Variants in ROBO2 observed in about 807,000 individuals in gnomAD.
ROBO2 encodes the protein roundabout homolog 2.
Under a neutral mutation model 160.8 loss-of-function variants are expected in ROBO2, and 53 were observed. The ratio of observed to expected loss-of-function variants is 0.33; its 90% CI spans 0.26 to 0.41. The LOEUF is 0.41. Among genes scored for constraint, ROBO2 ranks in the 10% least tolerant of loss-of-function variants. The pLI is 1.00. For missense variants in ROBO2, 1,577 were observed against 1,722.4 expected (o/e 0.92, Z 1.49); for synonymous variants, 664 against 611.7 (o/e 1.09, Z -1.26).
At chr3:77,311,991 C>T (rs1222852022) in intron 2 of ROBO2, among the ~76,000 whole-genome samples, 2 of 151,966 alleles carry the variant, frequency 1.3e-5, no homozygotes, top group African/African-American at 2.4e-5. Context: ...GAGGCTGAGG[C>T]AGGAGAACTG....
At chr3:76,458,332 A>AAG (rs1185813935) in intron 2 of ROBO2, among the ~76,000 whole-genome samples, 1 of 152,128 alleles carries the variant, frequency 6.6e-6, no homozygotes, top group African/African-American at 2.4e-5. Context: ...AAATGCTGCC[A>AAG]GTCTCTTTGC....
At chr3:77,442,894 T>G (rs1447152610) in intron 2 of ROBO2, among the ~76,000 whole-genome samples, 1 of 152,210 alleles carries the variant, frequency 6.6e-6, no homozygotes, top group Admixed American at 6.5e-5. Context: ...AACACCTGAA[T>G]TTTACATCAG....
chr3:75,961,749 G>A (rs1249782830), intron 2 of ROBO2, among the ~76,000 whole-genome samples: 7 of 151,460 alleles, frequency 4.6e-5, no homozygotes, highest in Non-Finnish European at 7.4e-5. Context: ...AAAAAATATT[G>A]TATTAAAATA....
intron 1 of ROBO2, among the ~76,000 whole-genome samples, chr3:77,084,579 C>A (rs994383231): frequency 6.6e-6 from 1 of 152,016 alleles, no homozygotes; most frequent in Non-Finnish European, 1.5e-5. Flanking sequence ...GAAAGCATTG[C>A]ATTTCGAGAG....
chr3:77,210,302 C>T (rs948617762), intron 2 of ROBO2, among the ~76,000 whole-genome samples: 1 of 151,698 alleles, frequency 6.6e-6, no homozygotes, highest in South Asian at 2.1e-4. Flanking sequence ...AAATTATGTT[C>T]AAAAATGTAT....
intron 1 of ROBO2, among the ~76,000 whole-genome samples, chr3:77,043,339 A>T (rs913419095): frequency 1.3e-5 from 2 of 152,254 alleles, no homozygotes; most frequent in Middle Eastern, 3.4e-3. Flanking sequence ...ACAGATATTA[A>T]TTTTATTCAG....
chr3:77,400,539 T>G (rs1421761444), intron 2 of ROBO2, among the ~76,000 whole-genome samples: 1 of 152,214 alleles, frequency 6.6e-6, no homozygotes, highest in Admixed American at 6.5e-5. Flanking sequence ...TCGGTTCGTT[T>G]AAGTGTATAA....
chr3:76,346,334 G>A (rs1004529199), intron 2 of ROBO2, among the ~76,000 whole-genome samples: 31 of 151,034 alleles, frequency 2.1e-4, no homozygotes, highest in South Asian at 1.7e-3. Flanking sequence ...TGCAAGCTCC[G>A]CCTGGCAACA....
At chr3:77,343,100 G>C (rs1242931729) in intron 2 of ROBO2, among the ~76,000 whole-genome samples, 1 of 139,610 alleles carries the variant, frequency 7.2e-6, no homozygotes, top group African/African-American at 2.5e-5. Flanking sequence ...TTTCTTATAA[G>C]ACCACAATCT....
intron 1 of ROBO2, among the ~76,000 whole-genome samples, chr3:77,090,980 A>G (rs2150019600): frequency 6.6e-6 from 1 of 152,328 alleles, no homozygotes; most frequent in Non-Finnish European, 1.5e-5. Flanking sequence ...GAGAAAAATG[A>G]ACACAGCATA....
chr3:75,930,539 C>G (rs779088419), intron 1 of ROBO2, among the ~76,000 whole-genome samples: 3 of 152,138 alleles, frequency 2.0e-5, no homozygotes, highest in Non-Finnish European at 4.4e-5. Flanking sequence ...TTTTTCTCTA[C>G]ACACATACTC....
chr3:76,011,970 G>A (rs2066207578), intron 2 of ROBO2, among the ~76,000 whole-genome samples: 1 of 152,154 alleles, frequency 6.6e-6, no homozygotes, highest in Admixed American at 6.5e-5. Flanking sequence ...CTCTTCTGAG[G>A]AAACAGTTTT....
intron 2 of ROBO2, among the ~76,000 whole-genome samples, chr3:75,948,626 G>A (rs1216415221): frequency 1.3e-5 from 2 of 152,164 alleles, no homozygotes; most frequent in East Asian, 3.9e-4. Flanking sequence ...CATGACAACA[G>A]GCACCACGCT....
intron 2 of ROBO2, among the ~76,000 whole-genome samples, chr3:77,012,115 G>T (rs1001154884): frequency 3.3e-5 from 5 of 152,148 alleles, no homozygotes; most frequent in Admixed American, 3.3e-4. Context: ...GAAGACCTTG[G>T]TCATATATAT....
chr3:76,142,146 A>G (rs2071694661), intron 2 of ROBO2, among the ~76,000 whole-genome samples: 1 of 152,042 alleles, frequency 6.6e-6, no homozygotes, highest in Non-Finnish European at 1.5e-5. Flanking sequence ...ATGGTTGTCA[A>G]GTGGCATGTG....
At chr3:76,726,060 A>G (rs1313311894) in intron 2 of ROBO2, among the ~76,000 whole-genome samples, 2 of 152,188 alleles carry the variant, frequency 1.3e-5, no homozygotes, top group Non-Finnish European at 2.9e-5. Context: ...AAGAAAGCTA[A>G]CATCACACGC....
chr3:77,625,659 A>G (rs1050988920), intron 23 of ROBO2, among the ~76,000 whole-genome samples: 1 of 152,176 alleles, frequency 6.6e-6, no homozygotes, highest in Non-Finnish European at 1.5e-5. Flanking sequence ...TACAGGCGTG[A>G]GCCACTGCGG....
At position 76,648,307 on chromosome 3, in the gene ROBO2, A is replaced by G. The variant is rs144331835; in HGVS notation, c.110-449707A>G. Among the ~76,000 whole-genome samples the G allele has an allele frequency of 7.4e-3, 1,125 of 152,284 alleles. 12 individuals carry two copies. The highest frequency in any genetic ancestry group is 0.024 in the African/African-American group (1,018 of 41,576). On this transcript the variant is annotated intron_variant, in intron 2 of 26. Coordinates refer to the ROBO2 transcript ENST00000487694. ...TCCTATGAGTCTATAAGCATATAAA[A>G]ACTTTAAAAATTTGAAGTAAGATGT...
chr3:76,787,694 G>A (rs1465783958), intron 2 of ROBO2, among the ~76,000 whole-genome samples: 3 of 151,340 alleles, frequency 2.0e-5, no homozygotes, highest in South Asian at 2.1e-4. Flanking sequence ...TCATCTACCA[G>A]CCATTAGCGA....
Sources: allele counts gnomAD v4.1 joint callset (sites outside exome capture counted in the v4.1 genomes callset), GRCh38; gene constraint gnomAD v4.1.1; transcripts MANE v1.5; gene names NCBI Gene and HGNC (gene_info 2026-07-23, HGNC 2026-07-21).